SYT7: variants seen among roughly 807,000 people sequenced by gnomAD.
SYT7 encodes synaptotagmin 7, also known as synaptotagmin-7.
Under a neutral mutation model 75.1 loss-of-function variants are expected in SYT7, and 29 were observed. The ratio of observed to expected loss-of-function variants is 0.39; its 90% CI spans 0.29 to 0.53. SYT7 has a LOEUF of 0.53. Ranked by LOEUF, SYT7 falls within the 20% of genes least tolerant of loss-of-function variation. The probability of loss-of-function intolerance (pLI) is 0.77; values close to 1 mark genes in which losing one functional copy is unlikely to be tolerated. For missense variants in SYT7, 693 were observed against 953.2 expected (o/e 0.73, Z 3.59); for synonymous variants, 376 against 401.7 (o/e 0.94, Z 0.76).
chr11:61,541,969 C>T (rs2063055091), intron 6 of SYT7, among the ~76,000 whole-genome samples: 1 of 152,136 alleles, frequency 6.6e-6, no homozygotes, highest in Admixed American at 6.5e-5. Context: ...GGGGAACTTC[C>T]CTGAGCCCTA....
intron 3 of SYT7, among the ~76,000 whole-genome samples, chr11:61,548,568 G>A (rs1164277343): frequency 1.3e-5 from 2 of 152,192 alleles, no homozygotes; most frequent in Non-Finnish European, 2.9e-5. Flanking sequence ...TCTAGGGAAG[G>A]GGCCCCAGGA....
At position 61,565,444 on chromosome 11, in the gene SYT7, C is replaced by T. The variant is rs79708091; in HGVS notation, c.32-9237G>A. Among the ~76,000 whole-genome samples, 692 of 152,310 alleles carry T rather than the reference C, an allele frequency of 4.5e-3. 7 individuals carry two copies. Among genetic ancestry groups the T allele is most frequent in the African/African-American group, 0.015 (641 of 41,564 alleles). On this transcript the variant is annotated intron_variant, in intron 1 of 12. Transcript: ENST00000539008. The stretch of plus-strand genomic sequence containing the variant: ...GAGAAAGCCAGTGAGCTAAACCCTG[C>T]ACCCCAGACAACCAGGCAAAGCTCC...
intron 1 of SYT7, among the ~76,000 whole-genome samples, chr11:61,572,147 C>T (rs1156386362): frequency 6.6e-6 from 1 of 152,126 alleles, no homozygotes; most frequent in Non-Finnish European, 1.5e-5. Flanking sequence ...ATTCATCAGG[C>T]TCCTCCAGGG....
At chr11:61,534,060 G>T (rs1175739022) in intron 7 of SYT7, among the ~76,000 whole-genome samples, 1 of 152,218 alleles carries the variant, frequency 6.6e-6, no homozygotes, top group Non-Finnish European at 1.5e-5. Flanking sequence ...GGTCAGGAAG[G>T]GGGCACTAAA....
At chr11:61,582,750 A>G (rs1167887706), upstream of SYT7, among the ~76,000 whole-genome samples, 1 of 152,034 alleles carries the variant, frequency 6.6e-6, no homozygotes. Flanking sequence ...ATCCTATTCC[A>G]TACACCTCAC....
Position 61,524,688 on chromosome 11 carries a change from C to T in SYT7, c.1472-156G>A, listed in dbSNP as rs934401313. The T allele has an allele frequency of 1.6e-6, 1 of 628,514 alleles. No individual in the cohort carries two copies. The highest frequency in any genetic ancestry group is 2.7e-6 in the Non-Finnish European group (1 of 375,940). 38.9% of individuals were successfully genotyped at this position (628,514 alleles called of 1,614,324 possible). ...CACACCGGATTGCAATTAGACCTTA[C>T]TGAAGTGCTAGCAAGAACTGTCACC... On this transcript the variant is annotated intron_variant, in intron 9 of 12. Transcript: ENST00000539008. The surrounding 1 kb of genome is among the most constrained non-coding windows in gnomAD (Gnocchi z 4.1).
intron 8 of SYT7, chr11:61,531,116 G>A: frequency 1.0e-6 from 1 of 985,470 alleles, no homozygotes; most frequent in Non-Finnish European, 1.2e-6. Context: ...GACAGGCTGA[G>A]GTCACAGTGG....
upstream of SYT7, among the ~76,000 whole-genome samples, chr11:61,581,568 A>T (rs1590975211): frequency 6.6e-6 from 1 of 152,210 alleles, no homozygotes; most frequent in Non-Finnish European, 1.5e-5. Context: ...GGGCAGACGG[A>T]CTGGTGTGTG....
At chr11:61,563,505 A>G (rs75047338) in intron 1 of SYT7, among the ~76,000 whole-genome samples, 18,741 of 152,240 alleles carry the variant, frequency 0.12, 2,935 homozygotes, top group African/African-American at 0.37. Context: ...ATTTCACAGG[A>G]GAAGAAACTA....
chr11:61,541,121 G>C (rs1158675887), intron 6 of SYT7: 1 of 985,412 alleles, frequency 1.0e-6, no homozygotes, highest in East Asian at 1.1e-4. Context: ...CCTGGCTGAG[G>C]TCTCAGAGGA....
At chr11:61,575,821 T>C (rs911629142) in intron 1 of SYT7, among the ~76,000 whole-genome samples, 1 of 152,194 alleles carries the variant, frequency 6.6e-6, no homozygotes, top group African/African-American at 2.4e-5. Flanking sequence ...ACAGATATTA[T>C]GGCCATCCAG....
At chr11:61,574,737 G>A (rs1385599789) in intron 1 of SYT7, among the ~76,000 whole-genome samples, 1 of 151,994 alleles carries the variant, frequency 6.6e-6, no homozygotes, top group African/African-American at 2.4e-5. Flanking sequence ...GCCCTCCCGG[G>A]CCCAGGCCTG....
In SYT7 at chr11:61,524,590, G is replaced by A. The variant is rs1343814181; in HGVS notation, c.1472-58C>T. On this transcript the variant is annotated intron_variant, in intron 9 of 12. Coordinates refer to ENST00000539008, the MANE Select transcript of SYT7 (RefSeq NM_001365809.2). The surrounding 1 kb of genome is among the most constrained non-coding windows in gnomAD (Gnocchi z 4.1). Reference sequence around the variant, plus strand: ...GGACAGAGGGGCTGCACGGGGCCCGGGAGGCAAGGAAGGCCCTGGGAAGAG... The same window carrying A: ...GGACAGAGGGGCTGCACGGGGCCCGAGAGGCAAGGAAGGCCCTGGGAAGAG... The A allele has an allele frequency of 4.3e-5, 65 of 1,506,700 alleles. No individual in the cohort carries two copies. Among genetic ancestry groups the A allele is most frequent in the Non-Finnish European group, 5.4e-5 (61 of 1,122,848 alleles). The allele number at this position is 1,506,700 out of a possible 1,614,324, so 93.3% of individuals were successfully genotyped here.
In SYT7 at chr11:61,580,976, C is replaced by A. The variant is rs2064250512; in HGVS notation, c.-156G>T. 1 of 977,058 alleles carries A rather than the reference C, an allele frequency of 1.0e-6. No individual in the cohort carries two copies. Among genetic ancestry groups the A allele is most frequent in the Non-Finnish European group, 1.2e-6 (1 of 824,214 alleles). The allele number at this position is 977,058 out of a possible 1,614,324, so 60.5% of individuals were successfully genotyped here. ...TGCACCTAGCCGCGGAGCCGGGGAG[C>A]GGGGGCCGCCCGCCAGCCCTCCCGC... On this transcript the variant is annotated 5_prime_UTR_variant, in exon 1 of 13. Transcript: ENST00000539008. This position sits in a 1 kb window ranked among gnomAD's most constrained non-coding sequence, Gnocchi z 6.1.
intron 5 of SYT7, among the ~76,000 whole-genome samples, chr11:61,543,341 C>G (rs2063100827): frequency 6.6e-6 from 1 of 152,150 alleles, no homozygotes; most frequent in Non-Finnish European, 1.5e-5. Context: ...TCCCCTCATC[C>G]GACACTTCAC....
At chr11:61,556,477 T>C (rs760921040) in intron 1 of SYT7, among the ~76,000 whole-genome samples, 1 of 152,242 alleles carries the variant, frequency 6.6e-6, no homozygotes, top group East Asian at 1.9e-4. Flanking sequence ...TGTGAGTCCA[T>C]GGGATCTGTG....
chr11:61,534,976 C>T (rs1423184191), intron 7 of SYT7, among the ~76,000 whole-genome samples: 1 of 152,208 alleles, frequency 6.6e-6, no homozygotes, highest in African/African-American at 2.4e-5. Context: ...GTGAGATTGA[C>T]TGCTGAAGAT....
chr11:61,536,208 C>G (rs1172360800), intron 7 of SYT7, among the ~76,000 whole-genome samples: 1 of 152,186 alleles, frequency 6.6e-6, no homozygotes, highest in African/African-American at 2.4e-5. Context: ...CACCCCCACA[C>G]CCGCCTTTCC....
At chr11:61,578,419 G>A (rs2064144649) in intron 1 of SYT7, among the ~76,000 whole-genome samples, 1 of 151,974 alleles carries the variant, frequency 6.6e-6, no homozygotes, top group African/African-American at 2.4e-5. Context: ...TGGGATGAGA[G>A]GATCAGGATA....
Sources: gnomAD v4.1 joint callset for allele counts (sites outside exome capture counted in the v4.1 genomes callset) on GRCh38, gnomAD v4.1.1 for gene constraint, Gnocchi (gnomAD v3.1) non-coding constraint, MANE v1.5 for transcripts, NCBI Gene and HGNC (gene_info 2026-07-23, HGNC 2026-07-21) for gene names.